Variants in NKAIN2 observed in about 807,000 individuals in gnomAD.
NKAIN2 encodes the protein sodium/potassium-transporting ATPase subunit beta-1-interacting protein 2.
A neutral mutation model predicts 32.6 loss-of-function variants in NKAIN2; 14 were observed. The ratio of observed to expected loss-of-function variants is 0.43; its 90% CI spans 0.28 to 0.67. The LOEUF is 0.67. NKAIN2 is among the 30% of genes least tolerant of loss of function. The pLI is 0.17. For missense variants in NKAIN2, 198 were observed against 258.3 expected (o/e 0.77, Z 1.60); for synonymous variants, 80 against 87.2 (o/e 0.92, Z 0.46).
chr6:124,523,097 C>G, intron 3 of NKAIN2, among the ~76,000 whole-genome samples: 1 of 76,788 alleles, frequency 1.3e-5, no homozygotes, highest in African/African-American at 3.3e-5. Context: ...GAGCCGAGAT[C>G]GCGCCACAGC....
chr6:124,269,228 A>G (rs1237341143), intron 1 of NKAIN2, among the ~76,000 whole-genome samples: 2 of 152,168 alleles, frequency 1.3e-5, no homozygotes, highest in African/African-American at 4.8e-5. Context: ...ACCTCTGTCA[A>G]CAGGAAAACA....
intron 4 of NKAIN2, among the ~76,000 whole-genome samples, chr6:124,687,264 C>A (rs1583646144): frequency 2.2e-5 from 3 of 137,932 alleles, no homozygotes; most frequent in Non-Finnish European, 3.1e-5. Context: ...TATATATATT[C>A]TCTCTATATA....
chr6:123,985,484 G>T (rs1779096150), intron 1 of NKAIN2, among the ~76,000 whole-genome samples: 2 of 152,154 alleles, frequency 1.3e-5, no homozygotes, highest in African/African-American at 2.4e-5. Context: ...GGGTCTACAT[G>T]TACTGTCCTG....
chr6:124,351,351 A>G (rs1406761501), intron 2 of NKAIN2, among the ~76,000 whole-genome samples: 2 of 151,924 alleles, frequency 1.3e-5, no homozygotes, highest in Non-Finnish European at 2.9e-5. Context: ...AAAAAATACA[A>G]CAAATTAGCC....
intron 2 of NKAIN2, among the ~76,000 whole-genome samples, chr6:124,322,286 A>T (rs1232325652): frequency 1.3e-5 from 2 of 152,228 alleles, no homozygotes; most frequent in Non-Finnish European, 2.9e-5. Context: ...AAAAGATAAT[A>T]AAATAGATTA....
chr6:124,766,638 A>G (rs1368692084), intron 4 of NKAIN2, among the ~76,000 whole-genome samples: 2 of 152,202 alleles, frequency 1.3e-5, no homozygotes, highest in Non-Finnish European at 2.9e-5. Flanking sequence ...AAAAGCACAG[A>G]TAGTCACTGT....
Position 124,358,168 on chromosome 6 carries a change from T to C in NKAIN2, c.273+2821T>C, listed in dbSNP as rs1799082490. Among the ~76,000 whole-genome samples, 3 of 152,222 alleles carry C rather than the reference T, an allele frequency of 2.0e-5. No individual in the cohort carries two copies. In the South Asian group the frequency reaches 6.2e-4, roughly 32 times the overall value. On this transcript the variant is annotated intron_variant, in intron 3 of 6. Transcript: ENST00000368417. ...TATGTGCCACATTTTCTTAATCCAGTCTATCATTGTTGGACATCTGGGTTG... is the reference window on the plus strand; with the variant it reads ...TATGTGCCACATTTTCTTAATCCAGCCTATCATTGTTGGACATCTGGGTTG...
chr6:124,481,155 G>T (rs1490488590), intron 3 of NKAIN2, among the ~76,000 whole-genome samples: 1 of 147,280 alleles, frequency 6.8e-6, no homozygotes, highest in African/African-American at 2.5e-5. Flanking sequence ...TTGATTTCCT[G>T]GCAGGTTAGA....
chr6:124,221,079 T>G (rs1172462248), intron 1 of NKAIN2, among the ~76,000 whole-genome samples: 1 of 151,928 alleles, frequency 6.6e-6, no homozygotes, highest in African/African-American at 2.4e-5. Flanking sequence ...GGACTGTAAA[T>G]CATGCTGCTA....
chr6:124,055,989 AT>A (rs1434558614), intron 1 of NKAIN2, among the ~76,000 whole-genome samples: 1 of 152,094 alleles, frequency 6.6e-6, no homozygotes, highest in African/African-American at 2.4e-5. Flanking sequence ...AGAGAGCAGA[AT>A]AACTGTCTAA....
intron 3 of NKAIN2, among the ~76,000 whole-genome samples, chr6:124,517,240 G>A (rs755820075): frequency 1.3e-5 from 2 of 152,080 alleles, no homozygotes; most frequent in African/African-American, 2.4e-5. Flanking sequence ...TTATATCCTC[G>A]GAAATTAGAA....
intron 1 of NKAIN2, among the ~76,000 whole-genome samples, chr6:124,141,973 G>A (rs1391425512): frequency 6.6e-6 from 1 of 152,146 alleles, no homozygotes; most frequent in Non-Finnish European, 1.5e-5. Flanking sequence ...ACTGGTCTAG[G>A]CACTTTGCTC....
chr6:124,212,249 C>T (rs989622869), intron 1 of NKAIN2, among the ~76,000 whole-genome samples: 6 of 151,860 alleles, frequency 4.0e-5, no homozygotes, highest in African/African-American at 1.5e-4. Flanking sequence ...ATTCCCCTTA[C>T]TGTTTTAGTT....
At chr6:124,481,379 A>T (rs1199922546) in intron 3 of NKAIN2, among the ~76,000 whole-genome samples, 2 of 152,148 alleles carry the variant, frequency 1.3e-5, no homozygotes, top group East Asian at 3.9e-4. Context: ...CCCAGGTCTA[A>T]AATTATTTTA....
At chr6:124,045,991 A>T (rs917891665) in intron 1 of NKAIN2, among the ~76,000 whole-genome samples, 15 of 152,058 alleles carry the variant, frequency 9.9e-5, no homozygotes, top group African/African-American at 3.6e-4. Flanking sequence ...GCCACGAAGT[A>T]CAGAATAAAT....
At chr6:124,271,837 G>T (rs986695847) in intron 1 of NKAIN2, among the ~76,000 whole-genome samples, 1 of 152,268 alleles carries the variant, frequency 6.6e-6, no homozygotes, top group South Asian at 2.1e-4. Flanking sequence ...TGGAGTAAAG[G>T]TCACTCGTGC....
intron 2 of NKAIN2, among the ~76,000 whole-genome samples, chr6:124,311,329 A>G (rs1796702516): frequency 6.6e-6 from 1 of 152,124 alleles, no homozygotes; most frequent in South Asian, 2.1e-4. Flanking sequence ...TTGAAAATAC[A>G]CAAGGAGGAA....
intron 4 of NKAIN2, among the ~76,000 whole-genome samples, chr6:124,755,138 G>A (rs561158183): frequency 2.2e-4 from 33 of 152,082 alleles, no homozygotes; most frequent in Non-Finnish European, 4.4e-4. Flanking sequence ...TGCGGCCTTC[G>A]GACTGTAGCT....
chr6:123,972,062 T>C (rs1302757884), intron 1 of NKAIN2, among the ~76,000 whole-genome samples: 1 of 152,188 alleles, frequency 6.6e-6, no homozygotes, highest in Non-Finnish European at 1.5e-5. Context: ...GAGGATTCCA[T>C]TTCCACTTAA....
Sources: gnomAD v4.1 joint callset for allele counts (sites outside exome capture counted in the v4.1 genomes callset) on GRCh38, gnomAD v4.1.1 for gene constraint, MANE v1.5 for transcripts, NCBI Gene and HGNC (gene_info 2026-07-23, HGNC 2026-07-21) for gene names.